The following SIRT3 variants were observed in gnomAD, a reference collection of about 807,000 sequenced individuals.
The protein encoded by SIRT3 is NAD-dependent protein deacetylase sirtuin-3, mitochondrial.
Under a neutral mutation model 33.5 loss-of-function variants are expected in SIRT3, and 26 were observed. The observed-to-expected ratio is 0.78, with a 90% CI of 0.57 to 1.08. The LOEUF (loss-of-function observed/expected upper bound fraction) is 1.08, where lower values mean the gene tolerates loss of function less well. SIRT3 is among the 50% of genes least tolerant of loss of function. The pLI is 0.00. For synonymous variants in SIRT3, 237 were observed against 222.1 expected (o/e 1.07, Z -0.60); for missense variants, 585 against 530.1 (o/e 1.10, Z -1.02).
rs1859018176 is a variant in SIRT3 at position 236,020 on chromosome 11, AAGAAGTGCTTG to A, written c.281+17_281+27del. 6.8e-7 allele frequency: 1 copy of A among 1,460,928 alleles called. No homozygotes were observed. The highest frequency in any genetic ancestry group is 1.4e-5 in the South Asian group (1 of 70,162). The allele number at this position is 1,460,928 out of a possible 1,614,324, so 90.5% of individuals were successfully genotyped here. Reference sequence around the variant, plus strand: ...GGCGAGGTGTCGACAACGAACACGCAAGAAGTGCTTGTCCTTGCCCAAAATACCTCGAAAAG... The same window carrying A: ...GGCGAGGTGTCGACAACGAACACGCATCCTTGCCCAAAATACCTCGAAAAG... On this transcript the variant is annotated intron_variant, in intron 1 of 6. Transcript: ENST00000382743.
rs543036187 is a variant in SIRT3 at position 230,571 on chromosome 11, C to G, written c.707-19G>C. ...CCCGACACTGAAATTCAAGCCAAAG[C>G]GAAGTGTTGCTGCCGCCTCCGAGAT... On this transcript the variant is annotated intron_variant, in intron 3 of 6. Coordinates refer to ENST00000382743, the MANE Select transcript of SIRT3 (RefSeq NM_012239.6). 2 of 1,475,464 alleles carry G rather than the reference C, an allele frequency of 1.4e-6. No individual in the cohort carries two copies. Among genetic ancestry groups the G allele is most frequent in the Non-Finnish European group, 9.0e-7 (1 of 1,109,252 alleles). 91.4% of individuals were successfully genotyped at this position (1,475,464 alleles called of 1,614,324 possible).
chr11:236,003 G>A (rs1859012332), intron 1 of SIRT3, 45 bp downstream of exon 1: 2 of 1,421,098 alleles, frequency 1.4e-6, no homozygotes, highest in African/African-American at 1.5e-5. Context: ...TGGGCGAGGT[G>A]TCGACAACGA....
chr11:233,713 A>G (rs1858447192), intron 1 of SIRT3, 179 bp from the exon 2 acceptor site: 1 of 625,154 alleles, frequency 1.6e-6, no homozygotes, highest in African/African-American at 1.8e-5. Context: ...AACAAAAAGC[A>G]GTCATAAATC....
chr11:218,783 A>G, intron 6 of SIRT3, 49 bp downstream of exon 6: 1 of 1,613,700 alleles, frequency 6.2e-7, no homozygotes, highest in Non-Finnish European at 8.5e-7. Context: ...CATACCCTAG[A>G]GCAGTGAGAA....
chr11:225,152 C>G (rs1856992594), intron 4 of SIRT3, among the ~76,000 whole-genome samples: 1 of 150,526 alleles, frequency 6.6e-6, no homozygotes, highest in Non-Finnish European at 1.5e-5. Flanking sequence ...AGTGGCTCAG[C>G]TCTGTAATCC....
At chr11:231,121 T>A in intron 3 of SIRT3, among the ~76,000 whole-genome samples, 1 of 69,610 alleles carries the variant, frequency 1.4e-5, no homozygotes, top group African/African-American at 6.1e-5. Flanking sequence ...CGAGATTCTG[T>A]CTCAAAAAAA....
At chr11:216,739 G>A in intron 6 of SIRT3, 21 bp from the exon 7 acceptor site, 2 of 1,613,700 alleles carry the variant, frequency 1.2e-6, no homozygotes, top group Non-Finnish European at 1.7e-6. Context: ...GAAGACAGAG[G>A]GTATCAGCTA....
rs567138622 is a variant in SIRT3 at position 236,272 on chromosome 11, A to T, written c.57T>A (p.Val19=). The change falls in exon 1 of 7, where the codon GTT becomes GTA. Residue 19 remains valine, a synonymous_variant. Coordinates refer to ENST00000382743, the MANE Select transcript of SIRT3 (RefSeq NM_012239.6). ...CGCCTCCCCCGGCCTCGACCCGTTC[A>T]ACTACCCGGCCCCACAGCCGGAGGG... ...AAALRLWGRV[V]ERVEAGGGVG... is the part of the protein sequence containing the mutation. 2 of 1,541,198 alleles carry T rather than the reference A, an allele frequency of 1.3e-6. No homozygotes were observed. Among genetic ancestry groups the T allele is most frequent in the Admixed American group, 3.9e-5 (2 of 51,596 alleles).
intron 1 of SIRT3, chr11:233,892 G>T: frequency 5.0e-6 from 1 of 199,618 alleles, no homozygotes; most frequent in South Asian, 1.0e-4. Context: ...GGAAAACCCT[G>T]GTTCTAAAAC....
intron 4 of SIRT3, among the ~76,000 whole-genome samples, chr11:227,133 A>G (rs988835237): frequency 4.6e-5 from 7 of 152,062 alleles, no homozygotes; most frequent in African/African-American, 1.7e-4. Flanking sequence ...CTCCAAAGAC[A>G]AAAGTCTTAA....
chr11:233,589 AGCAAGAACGAGCATG>A, intron 1 of SIRT3, 55 bp from the exon 2 acceptor site: 1 of 1,563,122 alleles, frequency 6.4e-7, no homozygotes, highest in Non-Finnish European at 8.8e-7. Flanking sequence ...ATCTCAGGAT[AGCAAGAACGAGCATG>A]GCTCTGCCCT....
intron 3 of SIRT3, 109 bp from the exon 4 acceptor site, chr11:230,661 C>T (rs1431300352): frequency 4.8e-6 from 3 of 622,004 alleles, no homozygotes; most frequent in Non-Finnish European, 7.6e-6. Context: ...GGCACAGCCC[C>T]TTGGGGTTGT....
Position 233,493 on chromosome 11 carries a change from G to A in SIRT3, c.323C>T (p.Ala108Val). The change falls in exon 2 of 7, where the codon GCT becomes GTT. Residue 108 changes from alanine (A) to valine (V), a missense_variant. By Grantham distance (64) the Ala-to-Val change is moderately conservative. Coordinates refer to ENST00000382743, the MANE Select transcript of SIRT3 (RefSeq NM_012239.6). ...GCCTCCACTTCCAACAACACTTGAA[G>A]CACCCACAGAAAAAGATATGGACCT... Reference protein sequence around the residue: ...GRRSISFSVGASSVVGSGGSS... With the variant: ...GRRSISFSVGVSSVVGSGGSS... 1 of 1,614,044 alleles carries A rather than the reference G, an allele frequency of 6.2e-7. No homozygotes were observed. Among genetic ancestry groups the A allele is most frequent in the Non-Finnish European group, 8.5e-7 (1 of 1,180,008 alleles).
chr11:225,262 A>G (rs1857012971), intron 4 of SIRT3, among the ~76,000 whole-genome samples: 1 of 152,136 alleles, frequency 6.6e-6, no homozygotes, highest in Non-Finnish European at 1.5e-5. Flanking sequence ...AACACAAAAA[A>G]TTAGCCAGGC....
At chr11:232,882 G>T in intron 3 of SIRT3, 101 bp downstream of exon 3, 1 of 1,125,620 alleles carries the variant, frequency 8.9e-7, no homozygotes, top group Non-Finnish European at 1.3e-6. Flanking sequence ...AGGCACCCGA[G>T]CATCCCCTGT....
chr11:230,451 C>A lies in SIRT3; in HGVS notation c.807+1G>T. 6.9e-7 allele frequency: 1 copy of A among 1,445,706 alleles called. No individual in the cohort carries two copies. The highest frequency in any genetic ancestry group is 1.5e-5 in the South Asian group (1 of 65,042). The allele number at this position is 1,445,706 out of a possible 1,614,324, so 89.6% of individuals were successfully genotyped here. A position where few individuals can be genotyped will look rare whatever the true frequency, so the allele number is the denominator to read the frequency against. ...GGACAACCAACAGCAGGATAACTCA[C>A]CCGAATGTCCTCCCCTGGGAAGGGT... On this transcript the variant is annotated splice_donor_variant, in intron 4 of 6. Coordinates refer to ENST00000382743, the MANE Select transcript of SIRT3 (RefSeq NM_012239.6). LOFTEE classifies it high-confidence loss of function.
intron 6 of SIRT3, among the ~76,000 whole-genome samples, chr11:217,528 G>C (rs898975937): frequency 1.3e-5 from 2 of 152,240 alleles, no homozygotes; most frequent in African/African-American, 4.8e-5. Context: ...GATCTCCGCT[G>C]CCTTGTGAGC....
Position 236,256 on chromosome 11 carries a change from C to G in SIRT3, c.73G>C (p.Gly25Arg), listed in dbSNP as rs1221864223. ...GCCTGAAACGGCCCCACGCCTCCCC[C>G]GGCCTCGACCCGTTCAACTACCCGG... ...WGRVVERVEA[G>R]GGVGPFQACG... The change falls in exon 1 of 7, where the codon GGG (glycine) becomes CGG (arginine). Residue 25 changes from glycine to arginine, a missense_variant. Physicochemically the swap from Gly to Arg is moderately radical, Grantham distance 125. Coordinates refer to ENST00000382743, the MANE Select transcript of SIRT3 (RefSeq NM_012239.6). The G allele has an allele frequency of 5.8e-6, 9 of 1,544,558 alleles. No individual in the cohort carries two copies. The highest frequency in any genetic ancestry group is 4.3e-6 in the Non-Finnish European group (5 of 1,149,850).
rs968311162 is a variant in SIRT3 at position 218,634 on chromosome 11, G to C, written c.1179+198C>G. 5 of 996,324 alleles carry C rather than the reference G, an allele frequency of 5.0e-6. No individual in the cohort carries two copies. In the African/African-American group the frequency reaches 8.2e-5, roughly 16 times the overall value. 61.7% of individuals were successfully genotyped at this position (996,324 alleles called of 1,614,324 possible). The stretch of plus-strand genomic sequence containing the variant: ...GACCGTGTCCCTGCTTGGCCTGTTA[G>C]CATCTGTTTCCTCATCTCTAAATGG... On this transcript the variant is annotated intron_variant, in intron 6 of 6. Transcript: ENST00000382743.
Sources: allele counts gnomAD v4.1 joint callset (sites outside exome capture counted in the v4.1 genomes callset), GRCh38; gene constraint gnomAD v4.1.1; transcripts MANE v1.5; gene names NCBI Gene and HGNC (gene_info 2026-07-23, HGNC 2026-07-21).